DDX6: variants seen among roughly 807,000 people sequenced by gnomAD.
DDX6 encodes the protein probable ATP-dependent RNA helicase DDX6.
DDX6 carries 7 observed loss-of-function variants against 60.6 expected under a neutral mutation model. The ratio of observed to expected loss-of-function variants is 0.12; its 90% CI spans 0.07 to 0.22. The LOEUF is 0.22. Among genes scored for constraint, DDX6 ranks in the 10% least tolerant of loss-of-function variants. DDX6 has a pLI of 1.00. For missense variants in DDX6, 270 were observed against 589.9 expected, an observed-to-expected ratio of 0.46 and a Z score of 5.62; for synonymous variants, 207 against 201.0, an observed-to-expected ratio of 1.03 and a Z score of -0.25.
At chr11:118,755,118 C>G (rs549915159) in intron 12 of DDX6, among the ~76,000 whole-genome samples, 8 of 152,142 alleles carry the variant, frequency 5.3e-5, no homozygotes, top group African/African-American at 1.9e-4. Flanking sequence ...AAATGGCAGT[C>G]AAAACTGCCA....
At chr11:118,753,871 G>A (rs967159822) in intron 13 of DDX6, among the ~76,000 whole-genome samples, 1 of 152,062 alleles carries the variant, frequency 6.6e-6, no homozygotes, top group Admixed American at 6.6e-5. Flanking sequence ...GAGGCGGGTA[G>A]ATCACTTGAG....
intron 4 of DDX6, among the ~76,000 whole-genome samples, chr11:118,775,058 T>A: frequency 6.6e-6 from 1 of 152,178 alleles, no homozygotes; most frequent in African/African-American, 2.4e-5. Flanking sequence ...CTCACGCCTG[T>A]AATTCCAGTA....
At chr11:118,756,765 C>A (rs947854109) in intron 10 of DDX6, among the ~76,000 whole-genome samples, 4 of 152,128 alleles carry the variant, frequency 2.6e-5, no homozygotes, top group Non-Finnish European at 5.9e-5. Context: ...GCAACAGGTG[C>A]CTAACTGAGC....
chr11:118,779,796 C>T (rs1861827289), intron 3 of DDX6, 60 bp from the exon 4 acceptor site: 1 of 1,301,600 alleles, frequency 7.7e-7, no homozygotes, highest in Non-Finnish European at 1.1e-6. Context: ...ATTTGGTGTC[C>T]TTTGGTAAAT....
At chr11:118,785,109 G>A (rs759915673) in intron 2 of DDX6, among the ~76,000 whole-genome samples, 5 of 152,166 alleles carry the variant, frequency 3.3e-5, no homozygotes, top group Non-Finnish European at 7.3e-5. Context: ...ATCAACTGGA[G>A]TCAAGAATCT....
chr11:118,764,343 A>C (rs1415418421), intron 6 of DDX6, among the ~76,000 whole-genome samples: 1 of 152,160 alleles, frequency 6.6e-6, no homozygotes, highest in Admixed American at 6.5e-5. Context: ...TTTACTCTTT[A>C]ATGACTATGT....
At chr11:118,754,633 T>C (rs1555158274) in intron 13 of DDX6, 72 bp downstream of exon 13, 36 of 1,401,460 alleles carry the variant, frequency 2.6e-5, no homozygotes, top group Non-Finnish European at 9.7e-7. Context: ...TGACATCAAA[T>C]TTCCCCCAGG....
intron 11 of DDX6, 97 bp downstream of exon 11, chr11:118,756,163 G>C: frequency 2.3e-6 from 2 of 880,730 alleles, no homozygotes; most frequent in South Asian, 2.9e-5. Context: ...AGGGTGTGTC[G>C]GACTATGTCA....
At chr11:118,777,812 C>T (rs951253719) in intron 4 of DDX6, among the ~76,000 whole-genome samples, 1 of 148,840 alleles carries the variant, frequency 6.7e-6, no homozygotes, top group African/African-American at 2.5e-5. Flanking sequence ...CTGCTTGAAC[C>T]CAGGATGGGA....
intron 4 of DDX6, among the ~76,000 whole-genome samples, chr11:118,774,444 G>C (rs1189532008): frequency 6.7e-6 from 1 of 148,922 alleles, no homozygotes; most frequent in South Asian, 2.1e-4. Context: ...ATAATTTTAA[G>C]TGCCTAATTC....
intron 7 of DDX6, among the ~76,000 whole-genome samples, chr11:118,762,699 A>C (rs1414783193): frequency 6.6e-6 from 1 of 152,206 alleles, no homozygotes; most frequent in Non-Finnish European, 1.5e-5. Flanking sequence ...CTTCCACTGA[A>C]AAACTGTAAA....
intron 2 of DDX6, among the ~76,000 whole-genome samples, chr11:118,782,226 A>G (rs1272905632): frequency 3.9e-5 from 6 of 152,244 alleles, no homozygotes; most frequent in African/African-American, 1.4e-4. Flanking sequence ...AACAATTGAT[A>G]TAATGCACTC....
At chr11:118,760,508 T>C (rs868994894) in intron 7 of DDX6, among the ~76,000 whole-genome samples, 1 of 151,832 alleles carries the variant, frequency 6.6e-6, no homozygotes, top group Non-Finnish European at 1.5e-5. Flanking sequence ...ATTAAAGAGG[T>C]AGTATGGTGT....
At chr11:118,778,941 G>A (rs557244899) in intron 4 of DDX6, among the ~76,000 whole-genome samples, 3 of 152,094 alleles carry the variant, frequency 2.0e-5, no homozygotes, top group African/African-American at 2.4e-5. Flanking sequence ...GCACTATGGC[G>A]AACCCAGGAG....
rs782316190 is a variant in DDX6, at chr11:118,781,136, T to C, written c.249A>G (p.Leu83=). 27 of 1,604,944 alleles carry C rather than the reference T, an allele frequency of 1.7e-5. No homozygotes were observed. Among genetic ancestry groups the C allele is most frequent in the Non-Finnish European group, 2.3e-5 (27 of 1,174,350 alleles). ...ACCAACTTACCGAAGTTTTGATTCT[T>C]AGATCCTTTGGAGGGAGTTTTAAAG... ...KKTLKLPPKD[L]RIKTSDVTST... Residue 83 remains leucine (L), a synonymous_variant, in exon 3 of 14, where the codon CTA becomes CTG. Coordinates refer to ENST00000534980, the MANE Select transcript of DDX6 (RefSeq NM_004397.6).
intron 4 of DDX6, among the ~76,000 whole-genome samples, chr11:118,770,572 C>A (rs1861503525): frequency 1.3e-5 from 2 of 152,116 alleles, no homozygotes; most frequent in African/African-American, 4.8e-5. Flanking sequence ...GTCAGAACAA[C>A]ACAGCTGCCA....
In DDX6 at chr11:118,748,915, T is replaced by C. The variant is rs1388436292; in HGVS notation, c.*3190A>G. On this transcript the variant is annotated 3_prime_UTR_variant, in exon 14 of 14. Transcript: ENST00000534980. ...GCTCCCATCTCATTCTGAAAACAAA[T>C]ACTGATAACCAAGCCCACCCTCCAA... The C allele has an allele frequency of 4.6e-5, 7 of 152,164 alleles. No individual in the cohort carries two copies. The highest frequency in any genetic ancestry group is 1.7e-4 in the African/African-American group (7 of 41,446). 9.4% of individuals were successfully genotyped at this position (152,164 alleles called of 1,614,324 possible). A position where few individuals can be genotyped will look rare whatever the true frequency, so the allele number is the denominator to read the frequency against.
chr11:118,774,829 G>GA (rs1182948974), intron 4 of DDX6, among the ~76,000 whole-genome samples: 7 of 151,652 alleles, frequency 4.6e-5, no homozygotes, highest in South Asian at 2.1e-4. Flanking sequence ...ATATTTAGGG[G>GA]AAAAAAAATG....
Position 118,779,309 on chromosome 11 carries a change from G to C in DDX6, c.369+323C>G, listed in dbSNP as rs370030266. On this transcript the variant is annotated intron_variant, in intron 4 of 13. Coordinates refer to ENST00000534980, the MANE Select transcript of DDX6 (RefSeq NM_004397.6). ...AATACCTGACCCTAGACTGGATCCT[G>C]TATAGAAGAAAAAAACTGCTATAAA... is the stretch of plus-strand genomic sequence containing the variant. Among the ~76,000 whole-genome samples, 20 of 152,204 alleles carry C rather than the reference G, an allele frequency of 1.3e-4. No homozygotes were observed. The East Asian group carries it at 2.9e-3, about 22-fold the overall frequency.
Sources: gnomAD v4.1 joint callset for allele counts (sites outside exome capture counted in the v4.1 genomes callset) on GRCh38, gnomAD v4.1.1 for gene constraint, MANE v1.5 for transcripts, NCBI Gene and HGNC (gene_info 2026-07-23, HGNC 2026-07-21) for gene names.